LYPD6B: variants seen among roughly 807,000 people sequenced by gnomAD.
LYPD6B encodes ly6/PLAUR domain-containing protein 6B.
Under a neutral mutation model 22.8 loss-of-function variants are expected in LYPD6B, and 17 were observed. The ratio of observed to expected loss-of-function variants is 0.75; its 90% CI spans 0.51 to 1.12. The LOEUF is 1.12. LYPD6B is among the 50% of genes most tolerant of loss of function. The pLI is 0.00. For missense variants in LYPD6B, 221 were observed against 258.3 expected (o/e 0.86, Z 0.99); for synonymous variants, 106 against 91.6 (o/e 1.16, Z -0.90).
At chr2:149,075,067 G>GTATTTCA in intron 1 of LYPD6B, among the ~76,000 whole-genome samples, 1 of 152,140 alleles carries the variant, frequency 6.6e-6, no homozygotes, top group Non-Finnish European at 1.5e-5. Flanking sequence ...ATAAAACATG[G>GTATTTCA]TGAGCCAATC....
At chr2:149,097,959 T>C (rs746255140) in intron 1 of LYPD6B, among the ~76,000 whole-genome samples, 1 of 152,162 alleles carries the variant, frequency 6.6e-6, no homozygotes, top group Non-Finnish European at 1.5e-5. Flanking sequence ...TAGAAGGTAA[T>C]ATAATAGAAA....
At chr2:149,087,334 A>C (rs1477038893) in intron 1 of LYPD6B, among the ~76,000 whole-genome samples, 1 of 152,152 alleles carries the variant, frequency 6.6e-6, no homozygotes, top group Non-Finnish European at 1.5e-5. Flanking sequence ...AAAATACCTC[A>C]TGCTCTCCTT....
chr2:149,141,082 T>A (rs553936348), intron 2 of LYPD6B, among the ~76,000 whole-genome samples: 1 of 151,954 alleles, frequency 6.6e-6, no homozygotes, highest in East Asian at 1.9e-4. Flanking sequence ...AATCATCAGG[T>A]GGTGGTAAGT....
At chr2:149,050,639 A>G (rs145784267) in intron 1 of LYPD6B, among the ~76,000 whole-genome samples, 11 of 152,312 alleles carry the variant, frequency 7.2e-5, no homozygotes, top group African/African-American at 2.6e-4. Context: ...CTGTGCCAGC[A>G]CCACAGAGGT....
intron 4 of LYPD6B, chr2:149,205,936 G>A (rs1693481723): frequency 4.9e-6 from 2 of 411,636 alleles, no homozygotes; most frequent in Non-Finnish European, 9.8e-6. Context: ...ACACATACAG[G>A]ATATATATGT....
At chr2:149,128,728 T>C (rs1687846788) in intron 1 of LYPD6B, among the ~76,000 whole-genome samples, 1 of 152,178 alleles carries the variant, frequency 6.6e-6, no homozygotes, top group Non-Finnish European at 1.5e-5. Context: ...CTTAGGGAAA[T>C]TACAGAGCCT....
chr2:149,166,250 T>C (rs944220231), intron 3 of LYPD6B, among the ~76,000 whole-genome samples: 2 of 152,174 alleles, frequency 1.3e-5, no homozygotes, highest in Non-Finnish European at 2.9e-5. Flanking sequence ...CTTTTTAATC[T>C]AGGGTTTGTT....
chr2:149,141,160 C>T (rs1559027179), intron 2 of LYPD6B, among the ~76,000 whole-genome samples: 1 of 152,016 alleles, frequency 6.6e-6, no homozygotes, highest in African/African-American at 2.4e-5. Context: ...TTTAGATAAC[C>T]TGGTCAGGGC....
At chr2:149,117,401 G>A (rs561945782) in intron 1 of LYPD6B, among the ~76,000 whole-genome samples, 1 of 152,036 alleles carries the variant, frequency 6.6e-6, no homozygotes, top group African/African-American at 2.4e-5. Context: ...CCCCTGAGTA[G>A]CTGGGGCTAC....
intron 2 of LYPD6B, among the ~76,000 whole-genome samples, chr2:149,156,525 A>G (rs990904925): frequency 2.0e-5 from 3 of 152,196 alleles, no homozygotes; most frequent in Admixed American, 2.0e-4. Flanking sequence ...TTCAAAATCA[A>G]GGTGTCAGCA....
chr2:149,108,420 T>C (rs1450458799), intron 1 of LYPD6B, among the ~76,000 whole-genome samples: 1 of 152,222 alleles, frequency 6.6e-6, no homozygotes, highest in Non-Finnish European at 1.5e-5. Flanking sequence ...TTTAGGATTG[T>C]TATATCCTCT....
intron 3 of LYPD6B, among the ~76,000 whole-genome samples, chr2:149,176,218 A>G (rs1014845347): frequency 1.3e-5 from 2 of 152,232 alleles, no homozygotes; most frequent in African/African-American, 4.8e-5. Flanking sequence ...CTCATCTTGT[A>G]GGACCACTGT....
intron 1 of LYPD6B, among the ~76,000 whole-genome samples, chr2:149,108,112 G>A (rs1415220748): frequency 6.6e-6 from 1 of 152,104 alleles, no homozygotes; most frequent in Non-Finnish European, 1.5e-5. Context: ...CTGTTCTCTT[G>A]ATAGTAAGTC....
At chr2:149,179,081 C>T (rs532651986) in intron 3 of LYPD6B, among the ~76,000 whole-genome samples, 1 of 152,288 alleles carries the variant, frequency 6.6e-6, no homozygotes, top group South Asian at 2.1e-4. Context: ...CAACTAGCTG[C>T]AGGCAGGAGA....
intron 1 of LYPD6B, among the ~76,000 whole-genome samples, chr2:149,128,545 G>A (rs1687837709): frequency 6.6e-6 from 1 of 152,196 alleles, no homozygotes; most frequent in African/African-American, 2.4e-5. Context: ...GTTTTATTTG[G>A]TGTTAATCAA....
intron 1 of LYPD6B, among the ~76,000 whole-genome samples, chr2:149,116,012 T>C (rs1175115755): frequency 6.6e-6 from 1 of 152,188 alleles, no homozygotes; most frequent in East Asian, 1.9e-4. Flanking sequence ...GCAGTGCTTG[T>C]GTTCAAGTTA....
chr2:149,134,415 G>A (rs757779872), intron 2 of LYPD6B, among the ~76,000 whole-genome samples: 5 of 152,140 alleles, frequency 3.3e-5, no homozygotes, highest in Non-Finnish European at 5.9e-5. Flanking sequence ...TTTTTAGAAA[G>A]CCACAGAAAA....
intron 1 of LYPD6B, among the ~76,000 whole-genome samples, chr2:149,079,190 C>T (rs2105386725): frequency 1.3e-5 from 2 of 152,018 alleles, no homozygotes; most frequent in East Asian, 3.9e-4. Flanking sequence ...GTTTTGTTCT[C>T]CAAGGGTCTA....
intron 4 of LYPD6B, among the ~76,000 whole-genome samples, chr2:149,207,688 A>T (rs536902645): frequency 2.0e-5 from 3 of 152,228 alleles, no homozygotes; most frequent in Non-Finnish European, 2.9e-5. Context: ...GTGATAATTG[A>T]CATATATCAG....
Sources: allele counts gnomAD v4.1 joint callset (sites outside exome capture counted in the v4.1 genomes callset), GRCh38; gene constraint gnomAD v4.1.1; transcripts MANE v1.5; gene names NCBI Gene and HGNC (gene_info 2026-07-23, HGNC 2026-07-21).